The following ADH4 variants were observed in gnomAD, a reference collection of about 807,000 sequenced individuals.
ADH4 encodes all-trans-retinol dehydrogenase [NAD(+)] ADH4.
Under a neutral mutation model 35.2 loss-of-function variants are expected in ADH4, and 31 were observed. The observed-to-expected ratio is 0.88, with a 90% CI of 0.66 to 1.19. The LOEUF (loss-of-function observed/expected upper bound fraction) is 1.19. ADH4 is among the 50% of genes most tolerant of loss of function. The probability of loss-of-function intolerance (pLI) is 0.00; values close to 1 mark genes in which losing one functional copy is unlikely to be tolerated. For missense variants in ADH4, 476 were observed against 458.3 expected (o/e 1.04, Z -0.35); for synonymous variants, 171 against 160.2 (o/e 1.07, Z -0.51).
intron 4 of ADH4, among the ~76,000 whole-genome samples, chr4:99,137,419 C>T (rs1729477372): frequency 6.6e-6 from 1 of 152,050 alleles, no homozygotes. Context: ...AGCCACCTCG[C>T]CTGGCCCTAA....
chr4:99,133,647 AC>A (rs1314901578), intron 5 of ADH4: 1 of 152,120 alleles, frequency 6.6e-6, no homozygotes, highest in African/African-American at 2.4e-5. Context: ...ATTTAGGTCG[AC>A]TTTGACTGGA....
chr4:99,132,184 C>A (rs1252770910), intron 5 of ADH4, among the ~76,000 whole-genome samples: 2 of 152,178 alleles, frequency 1.3e-5, no homozygotes, highest in Non-Finnish European at 2.9e-5. Context: ...CTCCAAATCA[C>A]CAGTTTGGAA....
At chr4:99,138,888 C>T (rs777881666) in intron 4 of ADH4, among the ~76,000 whole-genome samples, 173 bp downstream of exon 4, 2 of 152,166 alleles carry the variant, frequency 1.3e-5, no homozygotes, top group South Asian at 2.1e-4. Flanking sequence ...TTACAAAGAA[C>T]ATTCCAGCAC....
chr4:99,142,570 A>T, intron 2 of ADH4, 109 bp downstream of exon 2: 1 of 511,286 alleles, frequency 2.0e-6, no homozygotes, highest in Non-Finnish European at 3.3e-6. Flanking sequence ...GCTTCCCTGT[A>T]CTAGAAACTC....
rs891434858 is a variant in ADH4 at position 99,124,303 on chromosome 4, A to G, written c.*139T>C. The G allele has an allele frequency of 4.7e-6, 3 of 636,676 alleles. No individual in the cohort carries two copies. The highest frequency in any genetic ancestry group is 8.2e-6 in the Non-Finnish European group (3 of 363,724). 39.4% of individuals were successfully genotyped at this position (636,676 alleles called of 1,614,324 possible). The stretch of plus-strand genomic sequence containing the variant: ...AACAGGTACAAAGTCTATAATATTT[A>G]AAGCTCTTTTATGTTCCCATATTAA... On this transcript the variant is annotated 3_prime_UTR_variant, in exon 9 of 9. Coordinates refer to ENST00000265512, the MANE Select transcript of ADH4 (RefSeq NM_000670.5).
intron 6 of ADH4, 69 bp from the exon 7 acceptor site, chr4:99,127,413 T>G: frequency 7.7e-7 from 1 of 1,302,398 alleles, no homozygotes; most frequent in East Asian, 2.5e-5. Flanking sequence ...TGTGGCAATG[T>G]ACAATGCTTT....
chr4:99,138,246 T>A (rs1399606843), intron 4 of ADH4, among the ~76,000 whole-genome samples: 2 of 152,150 alleles, frequency 1.3e-5, no homozygotes, highest in African/African-American at 2.4e-5. Flanking sequence ...GCAAAAAAAA[T>A]TAGTTCTTTG....
chr4:99,134,275 T>C (rs1729370552), intron 5 of ADH4, among the ~76,000 whole-genome samples: 1 of 152,150 alleles, frequency 6.6e-6, no homozygotes. Context: ...ATGTATTGTA[T>C]ATCTGAAAAT....
intron 6 of ADH4, among the ~76,000 whole-genome samples, chr4:99,127,598 G>A (rs920622713): frequency 2.6e-5 from 4 of 152,174 alleles, no homozygotes; most frequent in Non-Finnish European, 5.9e-5. Flanking sequence ...GGTGGCCAAG[G>A]TGGGTGGATC....
intron 5 of ADH4, among the ~76,000 whole-genome samples, chr4:99,136,171 T>A (rs780237983): frequency 5.3e-5 from 8 of 152,202 alleles, no homozygotes; most frequent in Non-Finnish European, 4.4e-5. Context: ...TTAAACAGGC[T>A]GTATTTAAAT....
At chr4:99,134,418 G>A (rs938765491) in intron 5 of ADH4, among the ~76,000 whole-genome samples, 4 of 151,958 alleles carry the variant, frequency 2.6e-5, no homozygotes, top group South Asian at 2.1e-4. Context: ...CTTCATAAAT[G>A]TATAAATTTT....
chr4:99,135,294 T>TGG (rs1450020859), intron 5 of ADH4, among the ~76,000 whole-genome samples: 1 of 151,918 alleles, frequency 6.6e-6, no homozygotes, highest in African/African-American at 2.4e-5. Context: ...CCAGGCATCG[T>TGG]GGTGCATGCC....
intron 8 of ADH4, among the ~76,000 whole-genome samples, chr4:99,126,223 G>T (rs1237179158): frequency 6.6e-6 from 1 of 152,216 alleles, no homozygotes; most frequent in African/African-American, 2.4e-5. Context: ...AGGGTCTGGG[G>T]TAGGCACTCT....
intron 5 of ADH4, among the ~76,000 whole-genome samples, chr4:99,134,241 C>T (rs1354477303): frequency 1.3e-5 from 2 of 152,028 alleles, no homozygotes; most frequent in Admixed American, 1.3e-4. Flanking sequence ...TCATTGTACG[C>T]TCTGGTGACT....
chr4:99,143,146 T>G, intron 1 of ADH4: 1 of 701,814 alleles, frequency 1.4e-6, no homozygotes, highest in Non-Finnish European at 2.6e-6. Flanking sequence ...GTGAACTGTT[T>G]GAAATCACCT....
intron 6 of ADH4, among the ~76,000 whole-genome samples, chr4:99,128,446 A>C (rs1418566160): frequency 6.6e-6 from 1 of 152,216 alleles, no homozygotes; most frequent in Non-Finnish European, 1.5e-5. Context: ...AAAAAAAGTT[A>C]ACAAGGAAAT....
At chr4:99,131,382 T>G (rs866732729) in intron 6 of ADH4, 122 bp downstream of exon 6, 24 of 1,122,912 alleles carry the variant, frequency 2.1e-5, no homozygotes, top group Middle Eastern at 3.0e-4. Context: ...GGCTTATAGT[T>G]CTACCACCCT....
rs1159671645 is a variant in ADH4, at chr4:99,140,575, C to CA, written c.262+965dup. Among the ~76,000 whole-genome samples, 53 of 140,990 alleles carry CA rather than the reference C, an allele frequency of 3.8e-4. 1 individual carries two copies. Among genetic ancestry groups the CA allele is most frequent in the Admixed American group, 1.6e-3 (23 of 14,222 alleles). The allele number at this position is 140,990 out of a possible 152,430, so 92.5% of individuals were successfully genotyped here. On this transcript the variant is annotated intron_variant, in intron 3 of 8. Transcript: ENST00000265512. ...GCACAGAGTGAGACTCTGTTTCGAA[C>CA]AAAAAAAAAAGTCTGGGCAAGGTGG...
In ADH4 at chr4:99,144,244, G is replaced by C. The variant is rs759320233; in HGVS notation, c.-22C>G. 6.2e-7 allele frequency: 1 copy of C among 1,611,974 alleles called. No homozygotes were observed. The highest frequency in any genetic ancestry group is 2.2e-5 in the East Asian group (1 of 44,834). On this transcript the variant is annotated 5_prime_UTR_variant, in exon 1 of 9. Transcript: ENST00000265512. ...CCATTTTTCTTTGGGAAACTGTGTT[G>C]GAAGTTTCTTTCTGAGTTAAGAAAG...
Sources: gnomAD v4.1 joint callset for allele counts (sites outside exome capture counted in the v4.1 genomes callset) on GRCh38, gnomAD v4.1.1 for gene constraint, MANE v1.5 for transcripts, NCBI Gene and HGNC (gene_info 2026-07-23, HGNC 2026-07-21) for gene names.